MDN1: variants seen among roughly 807,000 people sequenced by gnomAD.
MDN1 encodes midasin AAA ATPase 1.
A neutral mutation model predicts 669.2 loss-of-function variants in MDN1; 266 were observed. That is an observed-to-expected ratio of 0.40 (90% CI 0.36 to 0.44). The LOEUF (loss-of-function observed/expected upper bound fraction) is 0.44, where lower values mean the gene tolerates loss of function less well. Ranked by LOEUF, MDN1 falls within the 20% of genes least tolerant of loss-of-function variation. The pLI, the probability that MDN1 is intolerant of heterozygous loss-of-function variation, is 1.00. For missense variants in MDN1, 5,940 were observed against 6,754.0 expected (o/e 0.88, Z 4.22); for synonymous variants, 2,385 against 2,457.1 (o/e 0.97, Z 0.87).
In MDN1 at chr6:89,745,589, C is replaced by T; in HGVS notation, c.3942G>A (p.Glu1314=). ...GGACTTCTTGAATCACATCAATTTCCTCCTGCTTCCTGACTCGACCTGCCA... is the reference window on the plus strand; with the variant it reads ...GGACTTCTTGAATCACATCAATTTCTTCCTGCTTCCTGACTCGACCTGCCA... ...MLLAGRVRKQ[E]EIDVIQEVLE... Residue 1314 remains glutamate, a synonymous_variant, in exon 28 of 102, where the codon GAG becomes GAA. Coordinates refer to ENST00000369393, the MANE Select transcript of MDN1 (RefSeq NM_014611.3). 1 of 1,614,124 alleles carries T rather than the reference C, an allele frequency of 6.2e-7. No homozygotes were observed. The highest frequency in any genetic ancestry group is 2.2e-5 in the East Asian group (1 of 44,884).
chr6:89,715,814 T>C (rs1437977646), intron 44 of MDN1, 45 bp from the exon 45 acceptor site: 10 of 1,268,484 alleles, frequency 7.9e-6, no homozygotes, highest in Non-Finnish European at 1.0e-5. Context: ...ACATGCTGCA[T>C]TGACTCTTCT....
At position 89,676,084 on chromosome 6, in the gene MDN1, C is replaced by T; in HGVS notation, c.12645+18G>A. On this transcript the variant is annotated intron_variant, in intron 77 of 101. Transcript: ENST00000369393. The stretch of plus-strand genomic sequence containing the variant: ...GCTTTCCCTGAGCCCCTGCAAGACT[C>T]ATGTTCTATCATTCTACCTTGGCAG... The T allele has an allele frequency of 1.2e-6, 2 of 1,608,960 alleles. No individual in the cohort carries two copies. Among genetic ancestry groups the T allele is most frequent in the Non-Finnish European group, 1.7e-6 (2 of 1,175,318 alleles).
chr6:89,733,342 CAG>C (rs1192632977), intron 33 of MDN1, among the ~76,000 whole-genome samples: 1 of 151,686 alleles, frequency 6.6e-6, no homozygotes, highest in Non-Finnish European at 1.5e-5. Context: ...AATTTCCTAT[CAG>C]ATAATATTTG....
intron 11 of MDN1, among the ~76,000 whole-genome samples, chr6:89,778,199 C>G (rs575557812): frequency 1.0e-4 from 14 of 133,390 alleles, no homozygotes; most frequent in Non-Finnish European, 2.2e-4. Flanking sequence ...ATTGTCTCAA[C>G]TAATAAAAAA....
At chr6:89,718,674 T>C (rs1814598235) in intron 42 of MDN1, 47 bp from the exon 43 acceptor site, 1 of 1,608,524 alleles carries the variant, frequency 6.2e-7, no homozygotes, top group Non-Finnish European at 8.5e-7. Flanking sequence ...CAGAGAATAC[T>C]GTTATCTGTA....
At chr6:89,690,242 A>G in intron 64 of MDN1, 99 bp from the exon 65 acceptor site, 1 of 1,275,254 alleles carries the variant, frequency 7.8e-7, no homozygotes, top group Non-Finnish European at 1.1e-6. Flanking sequence ...TGACTGAAAA[A>G]ATGAAATAGG....
chr6:89,716,501 G>T, intron 44 of MDN1, 149 bp downstream of exon 44: 1 of 716,164 alleles, frequency 1.4e-6, no homozygotes. Flanking sequence ...GTTCACCACA[G>T]GGAGAAGTCT....
intron 33 of MDN1, among the ~76,000 whole-genome samples, 187 bp from the exon 34 acceptor site, chr6:89,732,962 G>A (rs548549795): frequency 6.6e-6 from 1 of 152,168 alleles, no homozygotes; most frequent in South Asian, 2.1e-4. Flanking sequence ...ATTCTGAAAG[G>A]ATTCATCAAT....
rs1272953072 is a variant in MDN1, at chr6:89,730,928, A to G, written c.4943-5T>C. On this transcript the variant is annotated splice_polypyrimidine_tract_variant and splice_region_variant and intron_variant, in intron 34 of 101. Coordinates refer to ENST00000369393, the MANE Select transcript of MDN1 (RefSeq NM_014611.3). The stretch of plus-strand genomic sequence containing the variant: ...CAAACCCAGAGGAAGTTACCCCTAA[A>G]AGACAGAGGATCAGTCCATGAAGCA... 6 of 1,613,264 alleles carry G rather than the reference A, an allele frequency of 3.7e-6. No individual in the cohort carries two copies. The highest frequency in any genetic ancestry group is 5.1e-6 in the Non-Finnish European group (6 of 1,179,504).
chr6:89,731,095 C>G (rs1034613903), intron 34 of MDN1, among the ~76,000 whole-genome samples, 172 bp from the exon 35 acceptor site: 1 of 152,192 alleles, frequency 6.6e-6, no homozygotes, highest in Non-Finnish European at 1.5e-5. Context: ...ACGCATCCCC[C>G]ACAATCTATG....
chr6:89,691,801 C>T (rs1489062277), intron 63 of MDN1, among the ~76,000 whole-genome samples: 7 of 152,132 alleles, frequency 4.6e-5, no homozygotes, highest in Non-Finnish European at 1.0e-4. Flanking sequence ...GGACATGTCT[C>T]AGGGGCCCTG....
chr6:89,708,207 G>A (rs1385768427), intron 51 of MDN1, among the ~76,000 whole-genome samples: 2 of 152,184 alleles, frequency 1.3e-5, no homozygotes, highest in Non-Finnish European at 2.9e-5. Flanking sequence ...GGAGGCTGAG[G>A]TGGGAGGATG....
At chr6:89,814,187 A>G (rs1325235820) in intron 1 of MDN1, among the ~76,000 whole-genome samples, 2 of 152,196 alleles carry the variant, frequency 1.3e-5, no homozygotes, top group East Asian at 3.8e-4. Context: ...ACACTAGTTC[A>G]GGCCATGCTG....
chr6:89,678,788 T>C, intron 74 of MDN1, 43 bp from the exon 75 acceptor site: 2 of 1,581,648 alleles, frequency 1.3e-6, no homozygotes, highest in South Asian at 2.3e-5. Context: ...AATAAGAAAA[T>C]CCCAGGGGTC....
intron 8 of MDN1, among the ~76,000 whole-genome samples, chr6:89,787,329 C>A (rs980055386): frequency 6.6e-6 from 1 of 152,168 alleles, no homozygotes. Context: ...ATACTAAGCA[C>A]GCTCAGTTTT....
At chr6:89,819,356 A>T in intron 1 of MDN1, 150 bp downstream of exon 1, 1 of 737,940 alleles carries the variant, frequency 1.4e-6, no homozygotes, top group Non-Finnish European at 2.3e-6. Flanking sequence ...AACCTCCACG[A>T]CCTGCGCCAG....
intron 83 of MDN1, among the ~76,000 whole-genome samples, chr6:89,669,773 C>T (rs1261052022): frequency 3.3e-5 from 5 of 152,128 alleles, no homozygotes; most frequent in African/African-American, 1.2e-4. Context: ...TATGACTAGA[C>T]CTACCCACAC....
At chr6:89,704,632 G>A (rs1813398839) in intron 53 of MDN1, among the ~76,000 whole-genome samples, 1 of 152,140 alleles carries the variant, frequency 6.6e-6, no homozygotes, top group South Asian at 2.1e-4. Flanking sequence ...TGTCCCCCAG[G>A]CTGGAGTGCA....
rs754791259 is a variant in MDN1 at position 89,772,600 on chromosome 6, T to C, written c.2056A>G (p.Thr686Ala). ...VGETGTGKTSTIQYLAHITGH... is the reference protein window; with the variant it reads ...VGETGTGKTSAIQYLAHITGH... ...GTAATGTGAGCCAAGTATTGGATGGTAGAGGTTTTGCCAGTCCCGGTCTCT... is the reference window on the plus strand; with the variant it reads ...GTAATGTGAGCCAAGTATTGGATGGCAGAGGTTTTGCCAGTCCCGGTCTCT... Residue 686 changes from threonine to alanine, a missense_variant, in exon 14 of 102, where the codon ACC (threonine) becomes GCC (alanine). Thr to Ala is a moderately conservative substitution (Grantham distance 58). Around this residue, in one of 5 missense-constraint regions of MDN1, gnomAD observed 1,203 missense variants for 1,268.9 expected, o/e 0.95. Transcript: ENST00000369393. The C allele has an allele frequency of 6.2e-7, 1 of 1,614,092 alleles. No homozygotes were observed. The highest frequency in any genetic ancestry group is 1.3e-5 in the African/African-American group (1 of 75,030).
Sources: gnomAD v4.1 joint callset for allele counts (sites outside exome capture counted in the v4.1 genomes callset) on GRCh38, gnomAD v4.1.1 for gene constraint, gnomAD v4.1.1 regional missense constraint, MANE v1.5 for transcripts, NCBI Gene and HGNC (gene_info 2026-07-23, HGNC 2026-07-21) for gene names.